The following CTNNA3 variants were observed in gnomAD, a reference collection of about 807,000 sequenced individuals.
CTNNA3 encodes the protein catenin alpha-3.
In CTNNA3, 76 loss-of-function variants were observed where a neutral mutation model predicts 95.7. The observed-to-expected ratio is 0.79, with a 90% CI of 0.66 to 0.96. The LOEUF (loss-of-function observed/expected upper bound fraction) is 0.96, where lower values mean the gene tolerates loss of function less well. CTNNA3 is among the 40% of genes least tolerant of loss of function. The pLI is 0.00. For synonymous variants in CTNNA3, 431 were observed against 374.4 expected (o/e 1.15, Z -1.74); for missense variants, 1,191 against 1,089.8 (o/e 1.09, Z -1.31).
In CTNNA3 at chr10:66,714,069, T is replaced by G. The variant is rs1164101175; in HGVS notation, c.1281+52195A>C. ...GTAAGAGAGTAATTAAGTTAAAGGC[T>G]TGAGGCACTCTCCAAAGAGGAGACC... On this transcript the variant is annotated intron_variant, in intron 9 of 17. Coordinates refer to ENST00000433211, the MANE Select transcript of CTNNA3 (RefSeq NM_013266.4). Among the ~76,000 whole-genome samples the G allele has an allele frequency of 8.5e-5, 13 of 152,156 alleles. 1 individual carries two copies. The highest frequency in any genetic ancestry group is 8.5e-4 in the Admixed American group (13 of 15,268).
intron 2 of CTNNA3, among the ~76,000 whole-genome samples, chr10:67,616,591 A>G (rs895330402): frequency 6.6e-6 from 1 of 152,222 alleles, no homozygotes; most frequent in Non-Finnish European, 1.5e-5. Context: ...TATGGCATCA[A>G]GGATGACTCT....
intron 13 of CTNNA3, among the ~76,000 whole-genome samples, chr10:66,231,233 T>G (rs1031696057): frequency 6.6e-6 from 1 of 152,172 alleles, no homozygotes; most frequent in African/African-American, 2.4e-5. Context: ...CTTTTCTTTT[T>G]TCTGCAGTGG....
At chr10:65,936,902 T>C (rs1350411734) in intron 17 of CTNNA3, among the ~76,000 whole-genome samples, 3 of 152,104 alleles carry the variant, frequency 2.0e-5, no homozygotes, top group East Asian at 1.9e-4. Flanking sequence ...GTCTGGCACA[T>C]ACATATATTA....
intron 15 of CTNNA3, among the ~76,000 whole-genome samples, chr10:66,039,272 C>T (rs755545394): frequency 6.6e-6 from 1 of 152,102 alleles, no homozygotes; most frequent in Non-Finnish European, 1.5e-5. Flanking sequence ...AAAAACATTC[C>T]TACTAGGAAG....
chr10:67,687,237 G>A (rs1840750306), intron 1 of CTNNA3, among the ~76,000 whole-genome samples: 3 of 152,182 alleles, frequency 2.0e-5, no homozygotes, highest in Admixed American at 2.0e-4. Context: ...GATGACATGA[G>A]CTGGCACTTG....
chr10:67,457,339 T>C (rs1168045182), intron 5 of CTNNA3, among the ~76,000 whole-genome samples: 3 of 152,118 alleles, frequency 2.0e-5, no homozygotes, highest in Non-Finnish European at 2.9e-5. Context: ...GCCCAGGGCC[T>C]GCCAAGGACA....
intron 13 of CTNNA3, among the ~76,000 whole-genome samples, chr10:66,222,991 G>T (rs1176441811): frequency 2.0e-5 from 3 of 151,864 alleles, no homozygotes; most frequent in Non-Finnish European, 4.4e-5. Flanking sequence ...TTAGAGTGTG[G>T]ATACTTAGAT....
chr10:67,481,613 C>G (rs917436564), intron 5 of CTNNA3, among the ~76,000 whole-genome samples: 3 of 152,154 alleles, frequency 2.0e-5, no homozygotes, highest in African/African-American at 7.2e-5. Flanking sequence ...ACAAGGAGAA[C>G]TACAAAACAC....
intron 15 of CTNNA3, among the ~76,000 whole-genome samples, chr10:66,032,518 G>A (rs1479975482): frequency 6.6e-6 from 1 of 151,990 alleles, no homozygotes; most frequent in Non-Finnish European, 1.5e-5. Context: ...GTCTCCTTAA[G>A]GCAGGGCAAT....
At chr10:66,659,558 T>G (rs1846186317) in intron 9 of CTNNA3, among the ~76,000 whole-genome samples, 1 of 152,088 alleles carries the variant, frequency 6.6e-6, no homozygotes. Context: ...TGAATGCTTG[T>G]TTTTTTACAA....
intron 5 of CTNNA3, among the ~76,000 whole-genome samples, chr10:67,507,869 G>C (rs1311828914): frequency 6.6e-6 from 1 of 152,066 alleles, no homozygotes; most frequent in Non-Finnish European, 1.5e-5. Flanking sequence ...TGATCAAGTG[G>C]TACACCACAT....
At chr10:66,656,817 CTTTTTGTTGTTGT>C (rs971084200) in intron 9 of CTNNA3, among the ~76,000 whole-genome samples, 3 of 151,876 alleles carry the variant, frequency 2.0e-5, no homozygotes, top group African/African-American at 7.3e-5. Flanking sequence ...GGAGAGAGTG[CTTTTTGTTGTTGT>C]TTTTTGTTTT....
intron 7 of CTNNA3, among the ~76,000 whole-genome samples, chr10:66,930,929 T>C (rs1847351315): frequency 6.6e-6 from 1 of 152,164 alleles, no homozygotes; most frequent in Non-Finnish European, 1.5e-5. Flanking sequence ...TCTGTAATTC[T>C]CAGTATCTTC....
chr10:66,711,446 T>C (rs1848292890), intron 9 of CTNNA3, among the ~76,000 whole-genome samples: 1 of 152,078 alleles, frequency 6.6e-6, no homozygotes, highest in Non-Finnish European at 1.5e-5. Context: ...CTCATTCATA[T>C]GTCCCATTAT....
chr10:67,325,846 T>C (rs1228259176), intron 5 of CTNNA3, among the ~76,000 whole-genome samples: 1 of 152,168 alleles, frequency 6.6e-6, no homozygotes, highest in African/African-American at 2.4e-5. Context: ...AGTCTCCCCC[T>C]ATTATATTGT....
In CTNNA3 at chr10:66,349,657, A is replaced by G. The variant is rs150547533; in HGVS notation, c.1732+29495T>C. ...ATTGAATTATCAGGATGATCTTTAA[A>G]AGTAATCATTTCCATGAGAAAAATA... On this transcript the variant is annotated intron_variant, in intron 12 of 17. Transcript: ENST00000433211. Among the ~76,000 whole-genome samples the G allele has an allele frequency of 4.7e-3, 721 of 152,258 alleles. 8 individuals carry two copies. Among genetic ancestry groups the G allele is most frequent in the South Asian group, 7.7e-3 (37 of 4,830 alleles).
chr10:66,345,568 T>G (rs2132369636), intron 12 of CTNNA3, among the ~76,000 whole-genome samples: 1 of 152,206 alleles, frequency 6.6e-6, no homozygotes. Flanking sequence ...TGTAAACAAT[T>G]CTTTTCTGAG....
chr10:66,824,452 C>T (rs1022809579), intron 7 of CTNNA3, among the ~76,000 whole-genome samples: 2 of 152,092 alleles, frequency 1.3e-5, no homozygotes, highest in Non-Finnish European at 2.9e-5. Context: ...AAAGAAAGCA[C>T]TTCTTTACAG....
chr10:66,060,972 A>G (rs533600936), intron 15 of CTNNA3, among the ~76,000 whole-genome samples: 50 of 152,234 alleles, frequency 3.3e-4, no homozygotes, highest in African/African-American at 1.1e-3. Flanking sequence ...TGATTAGTAC[A>G]AGAAGAAATA....
Sources: allele counts gnomAD v4.1 joint callset (sites outside exome capture counted in the v4.1 genomes callset), GRCh38; gene constraint gnomAD v4.1.1; transcripts MANE v1.5; gene names NCBI Gene and HGNC (gene_info 2026-07-23, HGNC 2026-07-21).